The following CNTNAP2 variants were observed in gnomAD, a reference collection of about 807,000 sequenced individuals.
The protein encoded by CNTNAP2 is contactin-associated protein-like 2.
Under a neutral mutation model 155.2 loss-of-function variants are expected in CNTNAP2, and 98 were observed. The ratio of observed to expected loss-of-function variants is 0.63; its 90% CI spans 0.54 to 0.75. The LOEUF (loss-of-function observed/expected upper bound fraction) is 0.75, where lower values mean the gene tolerates loss of function less well. Among genes scored for constraint, CNTNAP2 ranks in the 30% least tolerant of loss-of-function variants. The pLI is 0.00. For missense variants in CNTNAP2, 1,727 were observed against 1,688.1 expected (o/e 1.02, Z -0.40); for synonymous variants, 651 against 631.2 (o/e 1.03, Z -0.47).
chr7:146,858,382 ATCC>A (rs1795033648), intron 3 of CNTNAP2, among the ~76,000 whole-genome samples: 1 of 152,222 alleles, frequency 6.6e-6, no homozygotes, highest in Non-Finnish European at 1.5e-5. Context: ...TCTTGCATTC[ATCC>A]TAAGGTAAAC....
At chr7:146,671,380 C>T (rs1387861490) in intron 1 of CNTNAP2, among the ~76,000 whole-genome samples, 1 of 151,814 alleles carries the variant, frequency 6.6e-6, no homozygotes. Flanking sequence ...TCTATCCCAC[C>T]TCTGTCTCTT....
chr7:147,849,692 A>G (rs561230870), intron 13 of CNTNAP2, among the ~76,000 whole-genome samples: 2 of 152,296 alleles, frequency 1.3e-5, no homozygotes, highest in African/African-American at 4.8e-5. Context: ...CCAGCCCTGC[A>G]CACCTGCGAG....
At chr7:146,450,516 C>T (rs982082920) in intron 1 of CNTNAP2, among the ~76,000 whole-genome samples, 1 of 152,164 alleles carries the variant, frequency 6.6e-6, no homozygotes, top group African/African-American at 2.4e-5. Flanking sequence ...TTCTCTACTG[C>T]GTTAGTTTTG....
intron 3 of CNTNAP2, among the ~76,000 whole-genome samples, chr7:146,971,595 G>T (rs1301321332): frequency 6.6e-6 from 1 of 152,160 alleles, no homozygotes; most frequent in African/African-American, 2.4e-5. Context: ...GCGTAGTCAG[G>T]TTCTGCTGAA....
chr7:146,432,857 C>T (rs536936254), intron 1 of CNTNAP2, among the ~76,000 whole-genome samples: 14 of 152,122 alleles, frequency 9.2e-5, no homozygotes, highest in Non-Finnish European at 1.6e-4. Context: ...CTGCATTCTC[C>T]GTGCCGGTTG....
At chr7:148,061,116 A>G (rs1803121067) in intron 15 of CNTNAP2, among the ~76,000 whole-genome samples, 2 of 152,250 alleles carry the variant, frequency 1.3e-5, no homozygotes, top group African/African-American at 4.8e-5. Flanking sequence ...GATCAAAGAC[A>G]TTAATGAAGA....
chr7:147,555,540 T>C (rs147317263), intron 11 of CNTNAP2, among the ~76,000 whole-genome samples: 10 of 152,336 alleles, frequency 6.6e-5, no homozygotes, highest in Non-Finnish European at 1.3e-4. Flanking sequence ...TTATCAAAAT[T>C]AGATTTAAAA....
chr7:146,395,832 A>AT (rs1795617686), intron 1 of CNTNAP2, among the ~76,000 whole-genome samples: 1 of 101,698 alleles, frequency 9.8e-6, no homozygotes, highest in African/African-American at 5.3e-5. Flanking sequence ...TAGAGGAGAG[A>AT]GAGAGAGAGA....
chr7:147,042,054 T>C lies in CNTNAP2; in HGVS notation c.403-1853T>C, dbSNP rs1232046283. ...TAGAAAAGTACCTACAAAGAAAATG[T>C]CTTTTTAGAAATTGTTTTTCTGATG... is the stretch of plus-strand genomic sequence containing the variant. On this transcript the variant is annotated intron_variant, in intron 3 of 23. Transcript: ENST00000361727. Among the ~76,000 whole-genome samples, 7 of 152,070 alleles carry C rather than the reference T, an allele frequency of 4.6e-5. No homozygotes were observed. The South Asian group carries it at 1.2e-3, about 27-fold the overall frequency.
intron 13 of CNTNAP2, among the ~76,000 whole-genome samples, chr7:147,737,108 A>G (rs1796865702): frequency 6.6e-6 from 1 of 152,176 alleles, no homozygotes; most frequent in African/African-American, 2.4e-5. Context: ...CTGATTTCAT[A>G]GAATTTTCAG....
intron 3 of CNTNAP2, among the ~76,000 whole-genome samples, chr7:146,850,779 C>T (rs940210309): frequency 6.6e-6 from 1 of 150,858 alleles, no homozygotes; most frequent in East Asian, 1.9e-4. Context: ...AAATAAAATA[C>T]AAATAAAAAT....
At chr7:147,825,467 A>T (rs1300676509) in intron 13 of CNTNAP2, among the ~76,000 whole-genome samples, 1 of 152,238 alleles carries the variant, frequency 6.6e-6, no homozygotes, top group Non-Finnish European at 1.5e-5. Flanking sequence ...AAAGCTATGA[A>T]TAGAGTAATT....
chr7:147,104,741 C>T (rs1422910522), intron 4 of CNTNAP2, among the ~76,000 whole-genome samples: 1 of 150,082 alleles, frequency 6.7e-6, no homozygotes, highest in Non-Finnish European at 1.5e-5. Flanking sequence ...TTAAACCATG[C>T]AATTTCCCTG....
At chr7:148,155,034 C>T (rs181150243) in intron 17 of CNTNAP2, among the ~76,000 whole-genome samples, 2 of 152,162 alleles carry the variant, frequency 1.3e-5, no homozygotes, top group East Asian at 1.9e-4. Flanking sequence ...AAAGCAACCA[C>T]GTGAATGCTG....
chr7:148,151,420 C>A (rs767277182), intron 17 of CNTNAP2, among the ~76,000 whole-genome samples: 1 of 152,140 alleles, frequency 6.6e-6, no homozygotes, highest in Non-Finnish European at 1.5e-5. Flanking sequence ...ATTCTCCTCT[C>A]TCGGCCTCCT....
intron 3 of CNTNAP2, among the ~76,000 whole-genome samples, chr7:146,865,436 T>A (rs903550601): frequency 6.6e-6 from 1 of 152,128 alleles, no homozygotes; most frequent in African/African-American, 2.4e-5. Flanking sequence ...TAGTCTTGTA[T>A]AGCTGTAAAT....
chr7:148,081,902 C>T (rs1300615387), intron 15 of CNTNAP2, among the ~76,000 whole-genome samples: 14 of 152,038 alleles, frequency 9.2e-5, no homozygotes, highest in Admixed American at 2.0e-4. Flanking sequence ...TATGGAAAGG[C>T]GAGTAACCAG....
chr7:148,284,190 A>G (rs1797039782), intron 21 of CNTNAP2, among the ~76,000 whole-genome samples: 1 of 152,220 alleles, frequency 6.6e-6, no homozygotes, highest in African/African-American at 2.4e-5. Flanking sequence ...GTCCCCACCC[A>G]AATCTCATCT....
intron 1 of CNTNAP2, among the ~76,000 whole-genome samples, chr7:146,387,047 C>A (rs1292894864): frequency 1.3e-5 from 2 of 152,122 alleles, no homozygotes; most frequent in Non-Finnish European, 2.9e-5. Flanking sequence ...ACAGTCCCCA[C>A]CCCTACCCTA....
Sources: gnomAD v4.1 joint callset for allele counts (sites outside exome capture counted in the v4.1 genomes callset) on GRCh38, gnomAD v4.1.1 for gene constraint, MANE v1.5 for transcripts, NCBI Gene and HGNC (gene_info 2026-07-23, HGNC 2026-07-21) for gene names.